The following DPH6 variants were observed in gnomAD, a reference collection of about 807,000 sequenced individuals.
The protein encoded by DPH6 is diphthine--ammonia ligase.
In DPH6, 33 loss-of-function variants were observed where a neutral mutation model predicts 38.2. The ratio of observed to expected loss-of-function variants is 0.86; its 90% CI spans 0.65 to 1.15. The LOEUF is 1.15. Ranked by LOEUF, DPH6 falls within the 50% of genes most tolerant of loss-of-function variation. DPH6 has a pLI of 0.00. For synonymous variants in DPH6, 108 were observed against 103.0 expected (o/e 1.05, Z -0.30); for missense variants, 325 against 320.0 (o/e 1.02, Z -0.12).
intron 5 of DPH6, among the ~76,000 whole-genome samples, chr15:35,434,920 T>C (rs1466595252): frequency 2.0e-5 from 3 of 151,782 alleles, no homozygotes; most frequent in Admixed American, 1.3e-4. Context: ...ACTACAGGTA[T>C]ATGCCACCAT....
intron 3 of DPH6, among the ~76,000 whole-genome samples, chr15:35,525,477 G>C (rs1330629674): frequency 6.6e-6 from 1 of 152,122 alleles, no homozygotes. Flanking sequence ...AGACCCATCT[G>C]ATCTCATAGC....
At chr15:35,422,080 A>C (rs996730964) in intron 5 of DPH6, among the ~76,000 whole-genome samples, 3 of 151,914 alleles carry the variant, frequency 2.0e-5, no homozygotes, top group Non-Finnish European at 4.4e-5. Flanking sequence ...GCTTTGAGCA[A>C]ATTAAAAGAT....
At chr15:35,410,343 T>G (rs184578259) in intron 6 of DPH6, among the ~76,000 whole-genome samples, 1 of 151,978 alleles carries the variant, frequency 6.6e-6, no homozygotes, top group East Asian at 1.9e-4. Context: ...GAATATTTAA[T>G]GTTTAGAACA....
At chr15:35,504,536 A>C (rs1307668090) in intron 3 of DPH6, among the ~76,000 whole-genome samples, 1 of 151,766 alleles carries the variant, frequency 6.6e-6, no homozygotes, top group Non-Finnish European at 1.5e-5. Context: ...TTGTACTGTT[A>C]CTCATAATCT....
the DPH6 span, among the ~76,000 whole-genome samples, chr15:35,194,379 G>A: frequency 4.8e-3 from 725 of 151,572 alleles, 6 homozygotes; most frequent in East Asian, 0.031. Context: ...CAGAGAGAGA[G>A]AGAGAGAGAG....
intron 3 of DPH6, among the ~76,000 whole-genome samples, chr15:35,362,539 T>G (rs2052622428): frequency 6.6e-6 from 1 of 152,234 alleles, no homozygotes; most frequent in South Asian, 2.1e-4. Flanking sequence ...TCAGGCATTG[T>G]AATAAGCTTC....
At chr15:35,442,974 A>G (rs1215686695) in intron 5 of DPH6, among the ~76,000 whole-genome samples, 9 of 152,210 alleles carry the variant, frequency 5.9e-5, no homozygotes, top group Admixed American at 3.9e-4. Flanking sequence ...ATGATTGCAC[A>G]ACCTGTGAAT....
the DPH6 span, among the ~76,000 whole-genome samples, chr15:35,210,323 A>G: frequency 4.6e-5 from 7 of 152,220 alleles, no homozygotes; most frequent in Admixed American, 3.9e-4. Flanking sequence ...TATATAAAAT[A>G]TCTATTATAT....
At chr15:35,237,920 G>GT in intron 3 of DPH6, 1 of 1,396,274 alleles carries the variant, frequency 7.2e-7, no homozygotes, top group East Asian at 2.3e-5. Flanking sequence ...AGAGGAGGAC[G>GT]TGAGTGGAGA....
At chr15:35,204,368 TGA>T in the DPH6 span, among the ~76,000 whole-genome samples, 1 of 151,824 alleles carries the variant, frequency 6.6e-6, no homozygotes, top group African/African-American at 2.4e-5. Context: ...TGTAAGCATA[TGA>T]CATCTTTAAA....
downstream of DPH6, among the ~76,000 whole-genome samples, chr15:35,213,534 G>A (rs149841619): frequency 2.0e-5 from 3 of 152,182 alleles, no homozygotes; most frequent in Non-Finnish European, 2.9e-5. Flanking sequence ...GCCATAGCAG[G>A]CTTTTCTTAA....
At chr15:35,537,253 T>A (rs185812228) in intron 3 of DPH6, among the ~76,000 whole-genome samples, 1 of 152,182 alleles carries the variant, frequency 6.6e-6, no homozygotes, top group African/African-American at 2.4e-5. Flanking sequence ...CTGAAAAAAC[T>A]GAACTTCTCT....
rs1371101446 is a variant in DPH6, at chr15:35,239,049, G to A, written n.201-18467C>T. ...AGCCTGTTTGGTGGTCTCTTCACAC[G>A]GACGTGCATGAAATTTGGTGCTGTG... On this transcript the variant is annotated intron_variant and non_coding_transcript_variant, in intron 3 of 3. Transcript: ENST00000560386. 4.8e-5 allele frequency among the ~76,000 whole-genome samples: 7 copies of A among 144,434 alleles called. 1 individual carries two copies. The highest frequency in any genetic ancestry group is 2.2e-4 in the East Asian group (1 of 4,614). The allele number at this position is 144,434 out of a possible 152,430, so 94.8% of individuals were successfully genotyped here.
At position 35,351,549 on chromosome 15, in the gene DPH6, C is replaced by A. The variant is rs184220691; in HGVS notation, n.208-20472G>T. ...GTGATGTGCTTTTATTATTTTCTAT[C>A]TTTTGTGTATCCACTTTACATTATT... On this transcript the variant is annotated intron_variant and non_coding_transcript_variant, in intron 3 of 3. Transcript: ENST00000558973. Among the ~76,000 whole-genome samples, 240 of 151,990 alleles carry A rather than the reference C, an allele frequency of 1.6e-3. No individual in the cohort carries two copies. In the Middle Eastern group the frequency reaches 0.031, roughly 19 times the overall value.
intron 3 of DPH6, among the ~76,000 whole-genome samples, chr15:35,333,095 A>C (rs1023954511): frequency 2.4e-4 from 18 of 73,846 alleles, no homozygotes; most frequent in African/African-American, 9.7e-4. Flanking sequence ...CAGGAAGCTA[A>C]AAAAAAAAAA....
chr15:35,308,310 G>A (rs2070063201), intron 3 of DPH6, among the ~76,000 whole-genome samples: 2 of 152,108 alleles, frequency 1.3e-5, no homozygotes. Context: ...AGTATGTGAG[G>A]TGATGGATAT....
At chr15:35,254,360 G>T in intron 3 of DPH6, among the ~76,000 whole-genome samples, 1 of 152,124 alleles carries the variant, frequency 6.6e-6, no homozygotes, top group East Asian at 1.9e-4. Flanking sequence ...CAACCAAACT[G>T]CCACATACAT....
intron 3 of DPH6, among the ~76,000 whole-genome samples, chr15:35,339,454 A>G (rs1349911638): frequency 6.6e-6 from 1 of 151,900 alleles, no homozygotes; most frequent in Admixed American, 6.6e-5. Context: ...CCTCCCTAGT[A>G]GCTGGGATTA....
chr15:35,234,026 AC>A (rs1262471850), intron 3 of DPH6, among the ~76,000 whole-genome samples: 1 of 151,982 alleles, frequency 6.6e-6, no homozygotes, highest in East Asian at 1.9e-4. Flanking sequence ...ATGGCCCCCA[AC>A]CCCCCACAGG....
Sources: gnomAD v4.1 joint callset for allele counts (sites outside exome capture counted in the v4.1 genomes callset) on GRCh38, gnomAD v4.1.1 for gene constraint, MANE v1.5 for transcripts, NCBI Gene and HGNC (gene_info 2026-07-23, HGNC 2026-07-21) for gene names.